Variants in STYK1 observed in about 807,000 individuals in gnomAD.
STYK1 encodes STY kinase 1.
In STYK1, 46 loss-of-function variants were observed where a neutral mutation model predicts 48.1. The ratio of observed to expected loss-of-function variants is 0.96; its 90% CI spans 0.75 to 1.22. The LOEUF (loss-of-function observed/expected upper bound fraction) is 1.22. Among genes scored for constraint, STYK1 ranks in the 50% most tolerant of loss-of-function variants. STYK1 has a pLI of 0.00. For synonymous variants in STYK1, 188 were observed against 189.0 expected, an observed-to-expected ratio of 0.99 and a Z score of 0.04; for missense variants, 527 against 521.1, an observed-to-expected ratio of 1.01 and a Z score of -0.11.
Position 10,634,686 on chromosome 12 carries a change from C to T in STYK1, c.-68G>A. On this transcript the variant is annotated splice_region_variant and 5_prime_UTR_variant, in exon 3 of 11. Transcript: ENST00000075503. ...GCACACAGCACAGCTGTGAGTAATT[C>T]CTAAGGATTGAGTGGTTTTTGAAAA... 6.4e-7 allele frequency: 1 copy of T among 1,556,554 alleles called. No individual in the cohort carries two copies.
In STYK1 at chr12:10,634,071, T is replaced by G; in HGVS notation, c.106A>C (p.Ile36Leu). The change falls in exon 4 of 11, where the codon ATC (isoleucine) becomes CTC (leucine). Residue 36 changes from isoleucine (I) to leucine (L), a missense_variant. By Grantham distance (5) the Ile-to-Leu change is conservative. Coordinates refer to ENST00000075503, the MANE Select transcript of STYK1 (RefSeq NM_018423.3). ...ATGACCCCAAGAAGGATGAGGAAGA[T>G]AGTAACCAACAAAGTTGGGACGATA... ...VIIVPTLLVTIFLILLGVILW... is the reference protein window; with the variant it reads ...VIIVPTLLVTLFLILLGVILW... 1 of 1,614,134 alleles carries G rather than the reference T, an allele frequency of 6.2e-7. No individual in the cohort carries two copies.
At position 10,634,060 on chromosome 12, in the gene STYK1, G is replaced by A; in HGVS notation, c.117C>T (p.Ile39=). ...VPTLLVTIFL[I]LLGVILWLFI... is the part of the protein sequence containing the mutation. ...AAAGCCACAGGATGACCCCAAGAAG[G>A]ATGAGGAAGATAGTAACCAACAAAG... Residue 39 remains isoleucine (I), a synonymous_variant, in exon 4 of 11, where the codon ATC becomes ATT. Coordinates refer to ENST00000075503, the MANE Select transcript of STYK1 (RefSeq NM_018423.3). The A allele has an allele frequency of 1.2e-6, 2 of 1,614,144 alleles. No individual in the cohort carries two copies. The highest frequency in any genetic ancestry group is 2.2e-5 in the East Asian group (1 of 44,870).
At chr12:10,660,054 C>T (rs919864972) in intron 1 of STYK1, among the ~76,000 whole-genome samples, 1 of 152,132 alleles carries the variant, frequency 6.6e-6, no homozygotes, top group Admixed American at 6.5e-5. Flanking sequence ...TAATTCTGGG[C>T]AAGTACTGGA....
At chr12:10,631,500 G>A (rs1040999556) in intron 4 of STYK1, among the ~76,000 whole-genome samples, 192 bp from the exon 5 acceptor site, 1 of 152,178 alleles carries the variant, frequency 6.6e-6, no homozygotes, top group Admixed American at 6.5e-5. Context: ...ATCCCCATTA[G>A]TTCTTAGGAC....
chr12:10,650,199 G>A (rs976324166), intron 1 of STYK1, among the ~76,000 whole-genome samples: 1 of 147,562 alleles, frequency 6.8e-6, no homozygotes, highest in African/African-American at 2.5e-5. Context: ...TTATCTTGCC[G>A]ACCTGGGAGA....
chr12:10,660,306 C>G (rs534538781), intron 1 of STYK1, among the ~76,000 whole-genome samples: 1 of 152,156 alleles, frequency 6.6e-6, no homozygotes, highest in Non-Finnish European at 1.5e-5. Context: ...CCTCTCCATA[C>G]TGATACTTTC....
chr12:10,625,552 T>C (rs1251821274), intron 7 of STYK1, among the ~76,000 whole-genome samples: 1 of 152,130 alleles, frequency 6.6e-6, no homozygotes, highest in African/African-American at 2.4e-5. Context: ...CTCAAAACAA[T>C]GTAATACGTA....
chr12:10,622,606 C>A, intron 9 of STYK1, 32 bp downstream of exon 9: 1 of 1,613,406 alleles, frequency 6.2e-7, no homozygotes, highest in African/African-American at 1.3e-5. Context: ...TATTTGCATA[C>A]AGGTACACAC....
chr12:10,673,703 C>T (rs530443953), intron 1 of STYK1: 1 of 152,160 alleles, frequency 6.6e-6, no homozygotes, highest in Non-Finnish European at 1.5e-5. Context: ...TTTCTCTCTG[C>T]ACCAAATCTG....
intron 7 of STYK1, among the ~76,000 whole-genome samples, chr12:10,625,482 G>C (rs936939954): frequency 6.6e-6 from 1 of 152,148 alleles, no homozygotes; most frequent in African/African-American, 2.4e-5. Context: ...CTCCCAAAGT[G>C]CTGGGATTAC....
chr12:10,628,084 T>C (rs1947380667), intron 6 of STYK1, among the ~76,000 whole-genome samples: 1 of 152,260 alleles, frequency 6.6e-6, no homozygotes, highest in South Asian at 2.1e-4. Context: ...AATGCATCTT[T>C]ATTGAATGCC....
rs11268204 is a variant in STYK1 at position 10,630,032 on chromosome 12, GGAGA to G, written c.452-362_452-359del. ...CCATTACTGGCCCATATCATGAAGA[GGAGA>G]GAGAGAGAGAGAGAGAGAGAGAGAG... On this transcript the variant is annotated intron_variant, in intron 5 of 10. Coordinates refer to ENST00000075503, the MANE Select transcript of STYK1 (RefSeq NM_018423.3). Among the ~76,000 whole-genome samples the G allele has an allele frequency of 3.0e-3, 410 of 137,122 alleles. 1 individual carries two copies. Among genetic ancestry groups the G allele is most frequent in the African/African-American group, 0.012 (395 of 33,672 alleles). 90.0% of individuals were successfully genotyped at this position (137,122 alleles called of 152,430 possible). A position where few individuals can be genotyped will look rare whatever the true frequency, so the allele number is the denominator to read the frequency against.
chr12:10,627,656 C>G lies in STYK1; in HGVS notation c.702G>C (p.Gln234His), dbSNP rs1263893784. The G allele has an allele frequency of 6.2e-7, 1 of 1,613,688 alleles. No homozygotes were observed. Among genetic ancestry groups the G allele is most frequent in the African/African-American group, 1.3e-5 (1 of 74,994 alleles). Reference protein sequence around the residue: ...TEKQVYHIGKQVLLALEFLQE... With the variant: ...TEKQVYHIGKHVLLALEFLQE... ...CTCATCTTACCAGCGCCAAAAGGAC[C>G]TGCTTTCCGATGTGATATACTTGTT... The change falls in exon 7 of 11, where the codon CAG (glutamine) becomes CAC (histidine). Residue 234 changes from glutamine to histidine, a missense_variant. Coordinates refer to ENST00000075503, the MANE Select transcript of STYK1 (RefSeq NM_018423.3).
intron 1 of STYK1, among the ~76,000 whole-genome samples, chr12:10,645,290 T>C (rs1947586989): frequency 6.6e-6 from 1 of 152,096 alleles, no homozygotes; most frequent in Non-Finnish European, 1.5e-5. Context: ...GGTGAGGATG[T>C]GGAGAAAATG....
At chr12:10,627,991 T>C (rs1237776199) in intron 6 of STYK1, among the ~76,000 whole-genome samples, 1 of 152,202 alleles carries the variant, frequency 6.6e-6, no homozygotes, top group Non-Finnish European at 1.5e-5. Flanking sequence ...AGCAGCAATT[T>C]TTCTAGGGCT....
At chr12:10,629,305 T>C (rs774577496) in intron 6 of STYK1, among the ~76,000 whole-genome samples, 188 bp downstream of exon 6, 4 of 152,254 alleles carry the variant, frequency 2.6e-5, no homozygotes, top group Non-Finnish European at 5.9e-5. Context: ...TGGCTTATCA[T>C]ACTGGATGGA....
intron 8 of STYK1, 101 bp downstream of exon 8, chr12:10,624,550 G>T: frequency 9.8e-7 from 1 of 1,021,438 alleles, no homozygotes; most frequent in South Asian, 1.4e-5. Context: ...TCTAAGTAGA[G>T]ATTATATTCG....
At chr12:10,654,178 T>C (rs895253430) in intron 1 of STYK1, among the ~76,000 whole-genome samples, 2 of 152,208 alleles carry the variant, frequency 1.3e-5, no homozygotes, top group African/African-American at 2.4e-5. Context: ...TAAGTTACCC[T>C]ATGTGGTCTA....
intron 1 of STYK1, among the ~76,000 whole-genome samples, chr12:10,656,782 C>G (rs769583688): frequency 2.0e-4 from 31 of 152,158 alleles, no homozygotes; most frequent in Non-Finnish European, 4.4e-4. Flanking sequence ...GCCACAGATC[C>G]TGTTTTGGAA....
Sources: gnomAD v4.1 joint callset for allele counts (sites outside exome capture counted in the v4.1 genomes callset) on GRCh38, gnomAD v4.1.1 for gene constraint, MANE v1.5 for transcripts, NCBI Gene and HGNC (gene_info 2026-07-23, HGNC 2026-07-21) for gene names.